Variants in ARB2A observed in about 807,000 individuals in gnomAD.
The protein encoded by ARB2A is ARB2 cotranscriptional regulator A.
the ARB2A span, among the ~76,000 whole-genome samples, chr5:93,869,632 T>C: frequency 2.0e-5 from 3 of 152,074 alleles, no homozygotes; most frequent in Non-Finnish European, 4.4e-5. Context: ...ACAAAAGAAG[T>C]GAAAATAGCC....
At chr5:93,740,627 C>T in the ARB2A span, 1 of 1,609,852 alleles carries the variant, frequency 6.2e-7, no homozygotes, top group Non-Finnish European at 8.5e-7. Context: ...GAGTGGGCTA[C>T]CCCTGCAGAG....
At chr5:93,899,258 TCA>T in the ARB2A span, among the ~76,000 whole-genome samples, 1 of 152,256 alleles carries the variant, frequency 6.6e-6, no homozygotes, top group East Asian at 1.9e-4. Context: ...AAAGAGCAGC[TCA>T]TCTACCTACA....
the ARB2A span, among the ~76,000 whole-genome samples, chr5:93,792,284 T>C: frequency 1.3e-5 from 2 of 152,080 alleles, no homozygotes; most frequent in African/African-American, 2.4e-5. Context: ...GTGAAGTAGA[T>C]ACAGTATAAA....
At chr5:93,877,378 C>T in the ARB2A span, among the ~76,000 whole-genome samples, 1 of 152,252 alleles carries the variant, frequency 6.6e-6, no homozygotes, top group East Asian at 1.9e-4. Flanking sequence ...ACCTTCATTC[C>T]TATGCTGCAG....
chr5:93,737,965 T>C, the ARB2A span: 1 of 434,738 alleles, frequency 2.3e-6, no homozygotes, highest in Non-Finnish European at 4.5e-6. Flanking sequence ...AAAAAATGGA[T>C]AAGCTGGACT....
chr5:93,830,311 G>GTGTATGTGTGTGTATATGTA, the ARB2A span, among the ~76,000 whole-genome samples: 1 of 82,260 alleles, frequency 1.2e-5, no homozygotes, highest in Admixed American at 1.3e-4. Flanking sequence ...GTGTGTGTGT[G>GTGTATGTGTGTGTATATGTA]TATATATATA....
chr5:93,620,722 G>A, the ARB2A span: 2 of 342,306 alleles, frequency 5.8e-6, no homozygotes, highest in African/African-American at 4.2e-5. Flanking sequence ...GCCAGGCAGG[G>A]CGCTGTCAGC....
the ARB2A span, among the ~76,000 whole-genome samples, chr5:93,878,996 C>T: frequency 1.7e-4 from 26 of 151,950 alleles, no homozygotes; most frequent in Non-Finnish European, 2.6e-4. Flanking sequence ...GATTCATCTA[C>T]CTATTAGGCT....
the ARB2A span, among the ~76,000 whole-genome samples, chr5:93,908,341 T>A: frequency 1.3e-4 from 20 of 150,936 alleles, no homozygotes; most frequent in Admixed American, 9.3e-4. Flanking sequence ...CAAAATATAT[T>A]AGTTTTATTA....
chr5:93,881,599 A>G, the ARB2A span: 11 of 1,610,056 alleles, frequency 6.8e-6, no homozygotes, highest in Non-Finnish European at 9.3e-6. Context: ...GTTCATCTGA[A>G]CTATCAGATG....
the ARB2A span, among the ~76,000 whole-genome samples, chr5:93,673,411 T>C: frequency 1.3e-5 from 2 of 152,170 alleles, no homozygotes; most frequent in East Asian, 3.8e-4. Flanking sequence ...TCTTTTCTCT[T>C]TCAGCATTAT....
chr5:93,679,002 CAA>C, the ARB2A span, among the ~76,000 whole-genome samples: 6 of 152,156 alleles, frequency 3.9e-5, no homozygotes, highest in African/African-American at 1.2e-4. Flanking sequence ...ACTACAAATT[CAA>C]AGAGTGCTTT....
the ARB2A span, among the ~76,000 whole-genome samples, chr5:93,975,936 C>T: frequency 2.0e-5 from 3 of 151,930 alleles, no homozygotes; most frequent in Non-Finnish European, 4.4e-5. Flanking sequence ...CTATCCCAAT[C>T]TGGTAAAGAT....
chr5:93,993,529 T>C, the ARB2A span, among the ~76,000 whole-genome samples: 1 of 152,158 alleles, frequency 6.6e-6, no homozygotes, highest in Non-Finnish European at 1.5e-5. Flanking sequence ...TCATCCACTA[T>C]AAAATCTTTT....
At chr5:94,018,765 T>C in the ARB2A span, among the ~76,000 whole-genome samples, 6 of 152,000 alleles carry the variant, frequency 3.9e-5, no homozygotes, top group Admixed American at 3.9e-4. Flanking sequence ...CCCCATTTTC[T>C]AATTCTGTGA....
chr5:94,043,850 T>C, the ARB2A span, among the ~76,000 whole-genome samples: 2 of 152,218 alleles, frequency 1.3e-5, no homozygotes, highest in African/African-American at 4.8e-5. Context: ...TTTTAAAGCC[T>C]AAGTGAAAAA....
the ARB2A span, among the ~76,000 whole-genome samples, chr5:94,046,454 G>T: frequency 2.0e-5 from 3 of 152,078 alleles, no homozygotes; most frequent in Non-Finnish European, 4.4e-5. Flanking sequence ...ACAGTGGGGT[G>T]GGGGGATAAC....
the ARB2A span, among the ~76,000 whole-genome samples, chr5:93,869,179 A>T: frequency 1.3e-5 from 2 of 152,198 alleles, no homozygotes; most frequent in Admixed American, 1.3e-4. Context: ...TACACAAACA[A>T]CTACTGCTTC....
the ARB2A span, among the ~76,000 whole-genome samples, chr5:93,973,078 A>G: frequency 6.9e-6 from 1 of 145,964 alleles, no homozygotes; most frequent in Admixed American, 7.1e-5. Context: ...CCACTGAAGC[A>G]GCTGGGACTA....
Sources: allele counts gnomAD v4.1 joint callset (sites outside exome capture counted in the v4.1 genomes callset), GRCh38; gene constraint gnomAD v4.1.1; transcripts MANE v1.5; gene names NCBI Gene and HGNC (gene_info 2026-07-23, HGNC 2026-07-21).